The following IL1RAPL2 variants were observed in gnomAD, a reference collection of about 807,000 sequenced individuals.
The protein encoded by IL1RAPL2 is X-linked interleukin-1 receptor accessory protein-like 2.
IL1RAPL2 carries 3 observed loss-of-function variants against 44.1 expected under a neutral mutation model. The ratio of observed to expected loss-of-function variants is 0.07; its 90% CI spans 0.03 to 0.18. The LOEUF (loss-of-function observed/expected upper bound fraction) is 0.18, where lower values mean the gene tolerates loss of function less well. Ranked by LOEUF, IL1RAPL2 falls within the 10% of genes least tolerant of loss-of-function variation. IL1RAPL2 has a pLI of 1.00. For synonymous variants in IL1RAPL2, 181 were observed against 178.8 expected (o/e 1.01, Z -0.10); for missense variants, 391 against 496.4 (o/e 0.79, Z 2.02).
chrX:105,612,816 G>C (rs187371015), intron 6 of IL1RAPL2, among the ~76,000 whole-genome samples: 1 of 112,085 alleles, frequency 8.9e-6, no homozygotes, highest in Non-Finnish European at 1.9e-5. Flanking sequence ...TGCTAGAGGG[G>C]AATCACCCAT....
intron 5 of IL1RAPL2, among the ~76,000 whole-genome samples, chrX:105,336,804 A>G (rs1602363742): frequency 8.9e-6 from 1 of 111,844 alleles, no homozygotes; most frequent in Non-Finnish European, 1.9e-5. Flanking sequence ...CGCCAACTCC[A>G]CCTTCAAACC....
intron 2 of IL1RAPL2, among the ~76,000 whole-genome samples, chrX:105,063,760 C>T (rs746422217): frequency 1.5e-4 from 17 of 112,103 alleles, no homozygotes; most frequent in Non-Finnish European, 2.8e-4. Flanking sequence ...AGGTGGCACC[C>T]CAAGCCCAGT....
intron 1 of IL1RAPL2, among the ~76,000 whole-genome samples, chrX:104,636,720 G>T (rs1000916046): frequency 2.0e-4 from 22 of 112,146 alleles, no homozygotes; most frequent in African/African-American, 6.5e-4. Context: ...GTAGTGACCC[G>T]ATTTTCCAGG....
chrX:105,488,382 C>T (rs2036285813), intron 6 of IL1RAPL2, among the ~76,000 whole-genome samples: 1 of 111,830 alleles, frequency 8.9e-6, no homozygotes, highest in Non-Finnish European at 1.9e-5. Flanking sequence ...GGTCAACTAG[C>T]ACCAAGACAC....
intron 6 of IL1RAPL2, among the ~76,000 whole-genome samples, chrX:105,629,581 A>G (rs2037477962): frequency 9.0e-6 from 1 of 111,416 alleles, no homozygotes; most frequent in Admixed American, 9.6e-5. Flanking sequence ...ACTTGCTTTC[A>G]GTCTTCTATT....
chrX:104,793,737 G>A (rs1046793753), intron 2 of IL1RAPL2, among the ~76,000 whole-genome samples: 5 of 111,186 alleles, frequency 4.5e-5, no homozygotes, highest in African/African-American at 1.6e-4. Flanking sequence ...TTGGATTTTC[G>A]AAACAACACC....
chrX:105,313,797 C>T (rs1483198941), intron 5 of IL1RAPL2, among the ~76,000 whole-genome samples: 1 of 111,316 alleles, frequency 9.0e-6, no homozygotes, highest in East Asian at 2.8e-4. Context: ...TTGTTACTCA[C>T]CAAAGTTTAG....
At chrX:105,269,584 G>A (rs924587255) in intron 5 of IL1RAPL2, among the ~76,000 whole-genome samples, 4 of 111,152 alleles carry the variant, frequency 3.6e-5, no homozygotes. Flanking sequence ...ATTCCAAATA[G>A]CAAAGATCTG....
chrX:104,928,142 T>C (rs1407584831), intron 2 of IL1RAPL2, among the ~76,000 whole-genome samples: 1 of 112,013 alleles, frequency 8.9e-6, no homozygotes, highest in Non-Finnish European at 1.9e-5. Context: ...CAAGCATTTA[T>C]CCTTTGTGTT....
At chrX:104,862,149 T>A (rs952035431) in intron 2 of IL1RAPL2, among the ~76,000 whole-genome samples, 1 of 111,294 alleles carries the variant, frequency 9.0e-6, no homozygotes, top group Non-Finnish European at 1.9e-5. Flanking sequence ...AAGTAAAAGA[T>A]GTCCCTGAAA....
At chrX:105,262,793 G>A (rs73517482) in intron 4 of IL1RAPL2, among the ~76,000 whole-genome samples, 4,869 of 111,646 alleles carry the variant, frequency 0.044, 263 homozygotes, top group African/African-American at 0.15. Context: ...AGTAGAGATA[G>A]GCTGAAAAGG....
intron 2 of IL1RAPL2, among the ~76,000 whole-genome samples, chrX:104,676,138 C>G (rs993117147): frequency 1.8e-5 from 2 of 110,195 alleles, no homozygotes; most frequent in East Asian, 5.7e-4. Flanking sequence ...TTGATCCTGT[C>G]ATTATGATGT....
At chrX:104,883,092 C>T (rs772530969) in intron 2 of IL1RAPL2, among the ~76,000 whole-genome samples, 13 of 111,781 alleles carry the variant, frequency 1.2e-4, no homozygotes, top group Admixed American at 2.8e-4. Flanking sequence ...CGGCTTCATT[C>T]TTGAAGTCAG....
intron 2 of IL1RAPL2, among the ~76,000 whole-genome samples, chrX:104,704,732 A>G (rs1931336853): frequency 1.8e-5 from 2 of 112,057 alleles, no homozygotes; most frequent in Non-Finnish European, 3.8e-5. Flanking sequence ...ATACTCTAAT[A>G]GATTTATTAG....
chrX:104,630,410 G>A (rs1240106754), intron 1 of IL1RAPL2, among the ~76,000 whole-genome samples: 2 of 110,005 alleles, frequency 1.8e-5, no homozygotes, highest in African/African-American at 6.6e-5. Context: ...GCCTCCCAAA[G>A]TGCTGGGATT....
At chrX:104,646,282 A>G (rs369569295) in intron 1 of IL1RAPL2, among the ~76,000 whole-genome samples, 1 of 110,043 alleles carries the variant, frequency 9.1e-6, no homozygotes, top group African/African-American at 3.3e-5. Flanking sequence ...AATATTCAAG[A>G]AGAATGGATT....
At chrX:104,985,152 A>T (rs2030536794) in intron 2 of IL1RAPL2, among the ~76,000 whole-genome samples, 1 of 108,654 alleles carries the variant, frequency 9.2e-6, no homozygotes, top group South Asian at 4.0e-4. Context: ...CAGTGGTGTG[A>T]TCTCAGCTCA....
intron 2 of IL1RAPL2, among the ~76,000 whole-genome samples, chrX:104,689,178 C>T (rs1235434776): frequency 8.9e-6 from 1 of 112,194 alleles, no homozygotes; most frequent in African/African-American, 3.2e-5. Flanking sequence ...TTCATCTGAT[C>T]TTTCTTGTTA....
chrX:104,808,625 A>G (rs1687594695), intron 2 of IL1RAPL2, among the ~76,000 whole-genome samples: 1 of 111,834 alleles, frequency 8.9e-6, no homozygotes, highest in African/African-American at 3.2e-5. Context: ...GATAAGGAGC[A>G]TGATTAATCT....
Sources: gnomAD v4.1 joint callset for allele counts (sites outside exome capture counted in the v4.1 genomes callset) on GRCh38, gnomAD v4.1.1 for gene constraint, MANE v1.5 for transcripts, NCBI Gene and HGNC (gene_info 2026-07-23, HGNC 2026-07-21) for gene names.